Variants in MUC4 observed in about 807,000 individuals in gnomAD.
MUC4 encodes the protein mucin-4.
Under a neutral mutation model 257.9 loss-of-function variants are expected in MUC4, and 202 were observed. The ratio of observed to expected loss-of-function variants is 0.78; its 90% CI spans 0.70 to 0.88. The LOEUF is 0.88. Ranked by LOEUF, MUC4 falls within the 40% of genes least tolerant of loss-of-function variation. MUC4 has a pLI of 0.00. For missense variants in MUC4, 5,976 were observed against 6,513.7 expected (o/e 0.92, Z 2.84); for synonymous variants, 2,351 against 2,757.1 (o/e 0.85, Z 4.62).
chr3:195,769,836 G>T, intron 6 of MUC4: 1 of 195,328 alleles, frequency 5.1e-6, no homozygotes, highest in Non-Finnish European at 1.0e-5. Flanking sequence ...GCGTGACTCT[G>T]AACGAGTTAC....
At chr3:195,792,244 G>A (rs1733952137) in intron 1 of MUC4, among the ~76,000 whole-genome samples, 1 of 152,002 alleles carries the variant, frequency 6.6e-6, no homozygotes, top group Non-Finnish European at 1.5e-5. Flanking sequence ...ATCTGACAGA[G>A]GTCTAATATC....
chr3:195,790,167 G>GA lies in MUC4; in HGVS notation c.1412dup (p.Ser472LeufsTer13). The GA allele has an allele frequency of 1.2e-6, 2 of 1,614,038 alleles. No individual in the cohort carries two copies. Among genetic ancestry groups the GA allele is most frequent in the Non-Finnish European group, 1.7e-6 (2 of 1,179,900 alleles). ...ATATTTCTTGAGACACACCTGGAGA[G>GA]AATGAGCTCCTCTCATGAGGCCGTC... On this transcript the variant is annotated frameshift_variant, in exon 2 of 25. Coordinates refer to ENST00000463781, the MANE Select transcript of MUC4 (RefSeq NM_018406.7). LOFTEE classifies it high-confidence loss of function.
intron 18 of MUC4, among the ~76,000 whole-genome samples, 160 bp from the exon 19 acceptor site, chr3:195,754,532 C>T (rs1255886022): frequency 2.0e-5 from 3 of 152,250 alleles, no homozygotes; most frequent in African/African-American, 4.8e-5. Flanking sequence ...GGCCGTGGGG[C>T]GGCAAGGCCC....
chr3:195,790,236 G>T lies in MUC4; in HGVS notation c.1344C>A (p.Ser448=), dbSNP rs1213555125. The T allele has an allele frequency of 1.2e-6, 2 of 1,614,034 alleles. No homozygotes were observed. Among genetic ancestry groups the T allele is most frequent in the East Asian group, 2.2e-5 (1 of 44,888 alleles). The change falls in exon 2 of 25, where the codon TCC becomes TCA. Residue 448 remains serine (S), a synonymous_variant. Coordinates refer to ENST00000463781, the MANE Select transcript of MUC4 (RefSeq NM_018406.7). ...CACTCTGCTGGGTGTGGAAAGCTGT[G>T]GATATTTTTGGAGGTAGAGAACTGG... is the stretch of plus-strand genomic sequence containing the variant. ...LSPSSLPPKI[S]TAFHTQQSEG...
rs201092610 is a variant in MUC4, at chr3:195,783,151, G to C, written c.8429C>G (p.Ser2810Cys). The change falls in exon 2 of 25, where the codon TCC (serine) becomes TGC (cysteine). Residue 2810 changes from serine (S) to cysteine (C), a missense_variant. Physicochemically the swap from Ser to Cys is moderately radical, Grantham distance 112 (BLOSUM62 -1). This residue lies in a region of MUC4 where 228 missense variants were observed against 206.3 expected (regional missense o/e 1.11). Coordinates refer to ENST00000463781, the MANE Select transcript of MUC4 (RefSeq NM_018406.7). ...AGGAAGAGAGGTGGCGTGACCTGTGGACACTGACGAAGCGTCGGTGACAGG... is the reference window on the plus strand; with the variant it reads ...AGGAAGAGAGGTGGCGTGACCTGTGCACACTGACGAAGCGTCGGTGACAGG... ...PLPVTDASSV[S>C]TGHATSLPVT... 3.7e-6 allele frequency: 5 copies of C among 1,355,048 alleles called. No individual in the cohort carries two copies. The South Asian group carries it at 5.6e-5, about 15-fold the overall frequency. 83.9% of individuals were successfully genotyped at this position (1,355,048 alleles called of 1,614,324 possible).
chr3:195,747,923 G>T (rs9851920), intron 24 of MUC4, among the ~76,000 whole-genome samples: 2 of 152,014 alleles, frequency 1.3e-5, no homozygotes, highest in Admixed American at 6.5e-5. Context: ...GCACCTGGGC[G>T]GCAGGGATGC....
chr3:195,758,778 C>G (rs1188860771), intron 17 of MUC4, among the ~76,000 whole-genome samples: 1 of 149,002 alleles, frequency 6.7e-6, no homozygotes, highest in Non-Finnish European at 1.5e-5. Context: ...ACCATGTTGG[C>G]CAGACTGGTC....
At position 195,790,177 on chromosome 3, in the gene MUC4, C is replaced by A. The variant is rs201020721; in HGVS notation, c.1403G>T (p.Arg468Met). ...GAETTGRPHE[R>M]SSFSPGVSQE... ...AGACACACCTGGAGAGAATGAGCTCCTCTCATGAGGCCGTCCTGTGGTCTC... is the reference window on the plus strand; with the variant it reads ...AGACACACCTGGAGAGAATGAGCTCATCTCATGAGGCCGTCCTGTGGTCTC... Residue 468 changes from arginine (R) to methionine (M), a missense_variant, in exon 2 of 25, where the codon AGG becomes ATG. Transcript: ENST00000463781. 1.2e-6 allele frequency: 2 copies of A among 1,613,990 alleles called. No homozygotes were observed. The highest frequency in any genetic ancestry group is 1.7e-6 in the Non-Finnish European group (2 of 1,179,888).
chr3:195,752,916 T>A, intron 20 of MUC4, 135 bp downstream of exon 20: 2 of 845,594 alleles, frequency 2.4e-6, no homozygotes, highest in East Asian at 5.4e-5. Context: ...CCTTACACCA[T>A]CCCAGAGAAA....
Position 195,788,782 on chromosome 3 carries a change from G to C in MUC4, c.2798C>G (p.Ser933Ter), listed in dbSNP as rs544023027. The change falls in exon 2 of 25, where the codon TCA (serine) becomes TGA (stop). Residue 933 changes from serine to a stop codon, truncating the protein, a stop_gained. Transcript: ENST00000463781. LOFTEE classifies it high-confidence loss of function. ...SLASQATDTFSTVPPTPPSIT... is the reference protein window; with the variant it reads ...SLASQATDTF Reference sequence around the variant, plus strand: ...CGATGGAGGTGTGGGTGGGACTGTTGAGAAGGTGTCGGTTGCCTGGGACGC... The same window carrying C: ...CGATGGAGGTGTGGGTGGGACTGTTCAGAAGGTGTCGGTTGCCTGGGACGC... 3.7e-6 allele frequency: 6 copies of C among 1,613,852 alleles called. No homozygotes were observed. The highest frequency in any genetic ancestry group is 5.1e-6 in the Non-Finnish European group (6 of 1,179,872).
intron 3 of MUC4, 156 bp downstream of exon 3, chr3:195,778,147 C>G: frequency 2.0e-6 from 2 of 1,023,690 alleles, no homozygotes; most frequent in African/African-American, 3.4e-5. Flanking sequence ...GTGCCATGCA[C>G]AAAGCCAGCC....
At chr3:195,778,597 C>T (rs1578182738) in intron 2 of MUC4, 142 bp from the exon 3 acceptor site, 2 of 1,309,770 alleles carry the variant, frequency 1.5e-6, no homozygotes, top group East Asian at 4.9e-5. Flanking sequence ...CTACTCTCGA[C>T]ATCAGTGCTT....
rs774278772 is a variant in MUC4, at chr3:195,788,695, G to T, written c.2885C>A (p.Ser962Tyr). ...TETHTLSPSG[S>Y]GKTFTTALIS... is the part of the protein sequence containing the mutation. Reference sequence around the variant, plus strand: ...GAGGGCCGTGGTGAAGGTTTTACCAGACCCTGAAGGTGACAGAGTGTGGGT... The same window carrying T: ...GAGGGCCGTGGTGAAGGTTTTACCATACCCTGAAGGTGACAGAGTGTGGGT... Residue 962 changes from serine to tyrosine, a missense_variant, in exon 2 of 25, where the codon TCT (serine) becomes TAT (tyrosine). Ser to Tyr is a moderately radical substitution (Grantham distance 144, BLOSUM62 -2). This residue lies in a region of MUC4 where 1,583 missense variants were observed against 1,257.4 expected (regional missense o/e 1.26). Coordinates refer to ENST00000463781, the MANE Select transcript of MUC4 (RefSeq NM_018406.7). 1.9e-6 allele frequency: 3 copies of T among 1,612,740 alleles called. No homozygotes were observed. The South Asian group carries it at 3.3e-5, about 18-fold the overall frequency.
In MUC4 at chr3:195,784,110, G is replaced by C. The variant is rs771630941; in HGVS notation, c.7470C>G (p.Ser2490=). Residue 2490 remains serine, a synonymous_variant, in exon 2 of 25, where the codon TCC becomes TCG. Coordinates refer to ENST00000463781, the MANE Select transcript of MUC4 (RefSeq NM_018406.7). ...PLLVTDASSV[S]TGDTTRLPVT... is the part of the protein sequence containing the mutation. ...CAGGAAGACGGGTGGTGTCACCTGTGGATACTGACGAAGCGTCGGTGACAA... is the reference window on the plus strand; with the variant it reads ...CAGGAAGACGGGTGGTGTCACCTGTCGATACTGACGAAGCGTCGGTGACAA... 4.6e-6 allele frequency: 7 copies of C among 1,534,860 alleles called. No individual in the cohort carries two copies. The highest frequency in any genetic ancestry group is 5.3e-6 in the Non-Finnish European group (6 of 1,142,626).
chr3:195,782,448 G>A lies in MUC4; in HGVS notation c.9132C>T (p.Thr3044=), dbSNP rs758693762. The change falls in exon 2 of 25, where the codon ACC becomes ACT. Residue 3044 remains threonine, a synonymous_variant. Coordinates refer to ENST00000463781, the MANE Select transcript of MUC4 (RefSeq NM_018406.7). The part of the protein sequence containing the change: ...STGHATPLPV[T]DTSSASTGHA... Reference sequence around the variant, plus strand: ...GACCTGTGGATGCTGAGGAAGTGTCGGTGACAGGAAGCGGGGTGGCGTGAC... The same window carrying A: ...GACCTGTGGATGCTGAGGAAGTGTCAGTGACAGGAAGCGGGGTGGCGTGAC... 8.8e-6 allele frequency: 13 copies of A among 1,473,784 alleles called. No individual in the cohort carries two copies. Among genetic ancestry groups the A allele is most frequent in the Admixed American group, 2.1e-5 (1 of 47,236 alleles). The allele number at this position is 1,473,784 out of a possible 1,614,324, so 91.3% of individuals were successfully genotyped here.
intron 24 of MUC4, among the ~76,000 whole-genome samples, chr3:195,748,694 C>A (rs571939570): frequency 1.3e-5 from 2 of 152,286 alleles, no homozygotes; most frequent in Non-Finnish European, 2.9e-5. Flanking sequence ...TCTAAGCCCC[C>A]CTATGGCTCT....
rs55697302 is a variant in MUC4 at position 195,788,855 on chromosome 3, G to C, written c.2725C>G (p.Gln909Glu). ...CTGCTGGTTCTTGTCCTCTGAGTCTGGGCCATCCGGGAAATGGCGGCTGTC... is the reference window on the plus strand; with the variant it reads ...CTGCTGGTTCTTGTCCTCTGAGTCTCGGCCATCCGGGAAATGGCGGCTGTC... ...QETAAISRMA[Q>E]TQRTRTSRGS... Residue 909 changes from glutamine (Q) to glutamate (E), a missense_variant, in exon 2 of 25, where the codon CAG (glutamine) becomes GAG (glutamate). Physicochemically the swap from Gln to Glu is conservative, Grantham distance 29. Coordinates refer to ENST00000463781, the MANE Select transcript of MUC4 (RefSeq NM_018406.7). The C allele has an allele frequency of 0.02, 32,912 of 1,613,752 alleles. 2,988 individuals are homozygous for C. The African/African-American group carries it at 0.27, about 13-fold the overall frequency.
intron 1 of MUC4, among the ~76,000 whole-genome samples, chr3:195,804,073 T>A (rs1412490110): frequency 6.6e-6 from 1 of 152,182 alleles, no homozygotes; most frequent in Non-Finnish European, 1.5e-5. Flanking sequence ...GTAAAACGGA[T>A]AGTTTTTAAG....
chr3:195,751,687 G>T, intron 21 of MUC4: 1 of 282,072 alleles, frequency 3.5e-6, no homozygotes. Context: ...TGCATTGTCT[G>T]GCGCAGGTGA....
Sources: gnomAD v4.1 joint callset for allele counts (sites outside exome capture counted in the v4.1 genomes callset) on GRCh38, gnomAD v4.1.1 for gene constraint, gnomAD v4.1.1 regional missense constraint, MANE v1.5 for transcripts, NCBI Gene and HGNC (gene_info 2026-07-23, HGNC 2026-07-21) for gene names.